Variants in WNK1 observed in about 807,000 individuals in gnomAD.
WNK1 encodes the protein serine/threonine-protein kinase WNK1.
A neutral mutation model predicts 222.8 loss-of-function variants in WNK1; 38 were observed. That is an observed-to-expected ratio of 0.17 (90% confidence interval 0.13 to 0.22). The LOEUF (loss-of-function observed/expected upper bound fraction) is 0.22. Ranked by LOEUF, WNK1 falls within the 10% of genes least tolerant of loss-of-function variation. The pLI is 1.00. For missense variants in WNK1, 2,348 were observed against 2,918.4 expected (o/e 0.80, Z 4.50); for synonymous variants, 1,090 against 1,092.9 (o/e 1.00, Z 0.05).
At chr12:764,634 C>CAAAA (rs529312629) in intron 1 of WNK1, among the ~76,000 whole-genome samples, 66 of 49,372 alleles carry the variant, frequency 1.3e-3, no homozygotes, top group Middle Eastern at 0.018. Flanking sequence ...AACTCCGTCT[C>CAAAA]AAAAAAAAAA....
intron 2 of WNK1, among the ~76,000 whole-genome samples, chr12:816,447 A>ATT (rs11454038): frequency 1.4e-4 from 21 of 145,590 alleles, no homozygotes; most frequent in South Asian, 2.2e-4. Context: ...TAAAAAAACA[A>ATT]TTTTTTTTTT....
chr12:790,946 G>A (rs1416179820), intron 1 of WNK1, among the ~76,000 whole-genome samples: 3 of 152,058 alleles, frequency 2.0e-5, no homozygotes, highest in Non-Finnish European at 4.4e-5. Context: ...GAAAAGCTAG[G>A]TTTAACCAGG....
In WNK1 at chr12:766,079, G is replaced by C. The variant is rs551265854; in HGVS notation, c.759+11755G>C. Among the ~76,000 whole-genome samples, 10 of 152,216 alleles carry C rather than the reference G, an allele frequency of 6.6e-5. No homozygotes were observed. The East Asian group carries it at 1.9e-3, about 29-fold the overall frequency. The stretch of plus-strand genomic sequence containing the variant: ...GAGTGGATGAGAGGAAGTTTAGAAA[G>C]TAGAGACAATAAGTGTAGGCTGGGG... On this transcript the variant is annotated intron_variant, in intron 1 of 27. Transcript: ENST00000315939.
intron 26 of WNK1, among the ~76,000 whole-genome samples, chr12:904,069 C>T (rs1309220670): frequency 6.6e-6 from 1 of 152,172 alleles, no homozygotes; most frequent in Non-Finnish European, 1.5e-5. Context: ...AACAGCCCAG[C>T]TGGAGAAACA....
intron 1 of WNK1, among the ~76,000 whole-genome samples, chr12:768,626 C>T (rs939026620): frequency 6.6e-6 from 1 of 152,140 alleles, no homozygotes; most frequent in Non-Finnish European, 1.5e-5. Context: ...CCCATAAATA[C>T]CACTATTATA....
At chr12:832,995 G>A (rs747564254) in intron 4 of WNK1, among the ~76,000 whole-genome samples, 8 of 150,690 alleles carry the variant, frequency 5.3e-5, no homozygotes, top group South Asian at 2.1e-4. Context: ...CCCCTGATGC[G>A]TTGTAATTTA....
At position 828,280 on chromosome 12, in the gene WNK1, T is replaced by C. The variant is rs184319414; in HGVS notation, c.1153+1018T>C. Among the ~76,000 whole-genome samples, 706 of 152,184 alleles carry C rather than the reference T, an allele frequency of 4.6e-3. 6 individuals carry two copies. Among genetic ancestry groups the C allele is most frequent in the African/African-American group, 0.016 (664 of 41,522 alleles). On this transcript the variant is annotated intron_variant, in intron 3 of 27. Coordinates refer to ENST00000315939, the MANE Select transcript of WNK1 (RefSeq NM_018979.4). ...GAGATTGCGCCACTGCACTCTAGCC[T>C]GGGCAACAGAGCAAGACTCCATCTC... is the stretch of plus-strand genomic sequence containing the variant.
intron 1 of WNK1, among the ~76,000 whole-genome samples, chr12:802,412 T>A (rs955337716): frequency 8.5e-5 from 13 of 152,186 alleles, no homozygotes; most frequent in African/African-American, 3.1e-4. Context: ...GTATCACAGT[T>A]GTAAATATGA....
chr12:880,021 T>C lies in WNK1; in HGVS notation c.2822T>C (p.Val941Ala). The C allele has an allele frequency of 6.2e-7, 1 of 1,614,104 alleles. No homozygotes were observed. Among genetic ancestry groups the C allele is most frequent in the Non-Finnish European group, 8.5e-7 (1 of 1,180,002 alleles). The change falls in exon 11 of 28, where the codon GTT (valine) becomes GCT (alanine). Residue 941 changes from valine (V) to alanine (A), a missense_variant. Physicochemically the swap from Val to Ala is moderately conservative, Grantham distance 64 (BLOSUM62 0). Coordinates refer to ENST00000315939, the MANE Select transcript of WNK1 (RefSeq NM_018979.4). ...AAEVPLSSGD[V>A]LYQGFPPRLP... Reference sequence around the variant, plus strand: ...GAGGTTCCACTTTCCTCTGGAGATGTTCTGTACCAGGTATTGTGTTAGTTA... The same window carrying C: ...GAGGTTCCACTTTCCTCTGGAGATGCTCTGTACCAGGTATTGTGTTAGTTA...
At chr12:886,127 T>TG (rs769938297) in intron 19 of WNK1, 43 bp downstream of exon 19, 3 of 1,533,614 alleles carry the variant, frequency 2.0e-6, no homozygotes, top group African/African-American at 2.8e-5. Flanking sequence ...TATGATCAGT[T>TG]TTTTTTCTCC....
chr12:803,187 C>T (rs1217515068), intron 1 of WNK1, among the ~76,000 whole-genome samples: 1 of 152,142 alleles, frequency 6.6e-6, no homozygotes, highest in Non-Finnish European at 1.5e-5. Context: ...ACAGTAAATG[C>T]TGCTGATTTG....
chr12:866,749 A>G (rs928387711), intron 8 of WNK1, among the ~76,000 whole-genome samples: 3 of 152,272 alleles, frequency 2.0e-5, no homozygotes, highest in African/African-American at 7.2e-5. Context: ...TCTAGAATAA[A>G]AAGTGCTATC....
intron 1 of WNK1, among the ~76,000 whole-genome samples, chr12:809,373 A>T (rs1946703194): frequency 6.6e-6 from 1 of 150,774 alleles, no homozygotes; most frequent in South Asian, 2.1e-4. Flanking sequence ...ATATCTTTTC[A>T]CCCATTGAGG....
chr12:876,148 G>T (rs953026019), intron 9 of WNK1, among the ~76,000 whole-genome samples: 1 of 152,102 alleles, frequency 6.6e-6, no homozygotes, highest in African/African-American at 2.4e-5. Flanking sequence ...GGTGGCTCAC[G>T]CCTGTAATCC....
rs1591543248 is a variant in WNK1 at position 754,252 on chromosome 12, A to G, written c.687A>G (p.Arg229=). ...RFLKFDIEIG[R]GSFKTVYKGL... ...TCAAGTTTGACATCGAAATCGGCAG[A>G]GGCTCCTTTAAGACGGTCTACAAAG... The change falls in exon 1 of 28, where the codon AGA becomes AGG. Residue 229 remains arginine (R), a synonymous_variant. Transcript: ENST00000315939. 1.2e-6 allele frequency: 2 copies of G among 1,613,646 alleles called. No individual in the cohort carries two copies. The highest frequency in any genetic ancestry group is 1.7e-6 in the Non-Finnish European group (2 of 1,180,040).
intron 4 of WNK1, among the ~76,000 whole-genome samples, chr12:849,001 G>A (rs1324948422): frequency 1.3e-5 from 2 of 152,094 alleles, no homozygotes; most frequent in African/African-American, 4.8e-5. Context: ...GGCAGGACAC[G>A]TGGCACTTGT....
chr12:873,918 G>A (rs1008645519), intron 9 of WNK1, among the ~76,000 whole-genome samples: 9 of 152,008 alleles, frequency 5.9e-5, no homozygotes, highest in Non-Finnish European at 1.0e-4. Flanking sequence ...GCTTTTTTGT[G>A]TGTTTTTGTA....
At chr12:764,780 A>G (rs926051402) in intron 1 of WNK1, among the ~76,000 whole-genome samples, 2 of 147,384 alleles carry the variant, frequency 1.4e-5, no homozygotes, top group Non-Finnish European at 3.0e-5. Flanking sequence ...AGAGAAGCAC[A>G]TAAATACATG....
chr12:767,545 C>T (rs1405135241), intron 1 of WNK1, among the ~76,000 whole-genome samples: 1 of 152,100 alleles, frequency 6.6e-6, no homozygotes, highest in Non-Finnish European at 1.5e-5. Flanking sequence ...CCCACCACGC[C>T]TGGCCGGGTT....
Sources: gnomAD v4.1 joint callset for allele counts (sites outside exome capture counted in the v4.1 genomes callset) on GRCh38, gnomAD v4.1.1 for gene constraint, MANE v1.5 for transcripts, NCBI Gene and HGNC (gene_info 2026-07-23, HGNC 2026-07-21) for gene names.